SLC14A2: variants seen among roughly 807,000 people sequenced by gnomAD.
SLC14A2 encodes the protein solute carrier family 14 member 2.
Under a neutral mutation model 104.6 loss-of-function variants are expected in SLC14A2, and 91 were observed. The observed-to-expected ratio is 0.87, with a 90% CI of 0.73 to 1.04. SLC14A2 has a LOEUF of 1.04. Ranked by LOEUF, SLC14A2 falls within the 50% of genes least tolerant of loss-of-function variation. The pLI is 0.00. For synonymous variants in SLC14A2, 476 were observed against 466.4 expected, an observed-to-expected ratio of 1.02 and a Z score of -0.27; for missense variants, 1,189 against 1,156.0, an observed-to-expected ratio of 1.03 and a Z score of -0.41.
At chr18:45,174,718 A>G in the SLC14A2 span, among the ~76,000 whole-genome samples, 1 of 152,168 alleles carries the variant, frequency 6.6e-6, no homozygotes, top group African/African-American at 2.4e-5. Context: ...AGGATGGTGC[A>G]TTAAAAATTG....
chr18:45,334,723 G>T (rs1432985505), intron 1 of SLC14A2, among the ~76,000 whole-genome samples: 1 of 152,200 alleles, frequency 6.6e-6, no homozygotes, highest in African/African-American at 2.4e-5. Context: ...TTGTCCTGAG[G>T]AGTAAATGAG....
At chr18:45,343,765 G>A (rs2085420619) in intron 1 of SLC14A2, among the ~76,000 whole-genome samples, 1 of 152,140 alleles carries the variant, frequency 6.6e-6, no homozygotes, top group East Asian at 1.9e-4. Flanking sequence ...ATTCCTTTGA[G>A]TAATCAAAGG....
intron 2 of SLC14A2, among the ~76,000 whole-genome samples, chr18:45,572,664 C>G (rs2044364474): frequency 6.6e-6 from 1 of 152,144 alleles, no homozygotes; most frequent in African/African-American, 2.4e-5. Flanking sequence ...TCAGTGTGAC[C>G]ACTCCAGCTC....
At chr18:45,508,319 G>A (rs1293325044) in intron 2 of SLC14A2, among the ~76,000 whole-genome samples, 3 of 152,162 alleles carry the variant, frequency 2.0e-5, no homozygotes, top group Non-Finnish European at 4.4e-5. Context: ...CATGTGTTGT[G>A]GGACGGAACC....
chr18:45,519,292 G>A (rs917646170), intron 2 of SLC14A2, among the ~76,000 whole-genome samples: 5 of 152,178 alleles, frequency 3.3e-5, no homozygotes, highest in Non-Finnish European at 1.5e-5. Flanking sequence ...AAGGTGGGGT[G>A]TGGAAGGAAA....
At chr18:45,285,661 GC>G (rs10536916) in intron 1 of SLC14A2, among the ~76,000 whole-genome samples, 43,210 of 122,626 alleles carry the variant, frequency 0.35, 8,285 homozygotes, top group East Asian at 0.58. Context: ...CAGGTGATCT[GC>G]CCCCCCCCCC....
In SLC14A2 at chr18:45,296,555, G is replaced by T. The variant is rs529678155; in HGVS notation, c.-125+83364G>T. On this transcript the variant is annotated intron_variant, in intron 1 of 20. Coordinates refer to the SLC14A2 transcript ENST00000586448. ...TCTCCTGGTCCTTTCCATCTTCCCG[G>T]TGACCACCTCAAACTACATGCTGGA... Among the ~76,000 whole-genome samples, 11 of 152,254 alleles carry T rather than the reference G, an allele frequency of 7.2e-5. No individual in the cohort carries two copies. In the East Asian group the frequency reaches 2.1e-3, roughly 29 times the overall value.
At chr18:45,265,784 C>T (rs985483043) in intron 1 of SLC14A2, among the ~76,000 whole-genome samples, 3 of 152,144 alleles carry the variant, frequency 2.0e-5, no homozygotes, top group African/African-American at 4.8e-5. Flanking sequence ...AATTTATAAG[C>T]AGAGAGTGAG....
chr18:45,253,109 A>G (rs2084440225), intron 1 of SLC14A2, among the ~76,000 whole-genome samples: 1 of 152,144 alleles, frequency 6.6e-6, no homozygotes. Flanking sequence ...CACCCAGAGG[A>G]TATGTTAAAA....
chr18:45,323,601 GT>G (rs1197797584), intron 1 of SLC14A2, among the ~76,000 whole-genome samples: 2 of 152,088 alleles, frequency 1.3e-5, no homozygotes, highest in East Asian at 3.9e-4. Flanking sequence ...TAAAATTGCC[GT>G]TTTTGTAGTT....
At chr18:45,250,787 C>G (rs1023577144) in intron 1 of SLC14A2, among the ~76,000 whole-genome samples, 54 of 98,490 alleles carry the variant, frequency 5.5e-4, no homozygotes, top group African/African-American at 2.3e-3. Context: ...GGCTTTGAGA[C>G]ATCTTCGGGT....
chr18:45,311,081 G>T (rs193226739), intron 1 of SLC14A2, among the ~76,000 whole-genome samples: 4 of 152,268 alleles, frequency 2.6e-5, no homozygotes, highest in Non-Finnish European at 5.9e-5. Context: ...CTTCGGGCTT[G>T]GTATCCAGTC....
intron 1 of SLC14A2, among the ~76,000 whole-genome samples, chr18:45,473,320 G>C (rs1050684441): frequency 1.3e-5 from 2 of 152,056 alleles, no homozygotes; most frequent in Non-Finnish European, 2.9e-5. Flanking sequence ...TCATGCCTCC[G>C]GCTTTGTTCT....
chr18:45,592,361 G>T (rs2044660804), intron 2 of SLC14A2, among the ~76,000 whole-genome samples: 1 of 152,068 alleles, frequency 6.6e-6, no homozygotes, highest in African/African-American at 2.4e-5. Flanking sequence ...GTATTCTGAT[G>T]TCATTGTTGC....
intron 1 of SLC14A2, among the ~76,000 whole-genome samples, chr18:45,267,881 T>G (rs916423799): frequency 6.6e-6 from 1 of 152,192 alleles, no homozygotes; most frequent in Admixed American, 6.5e-5. Flanking sequence ...TATAAAGAGA[T>G]AAATTGTAGA....
At chr18:45,530,592 T>C (rs1451126440) in intron 2 of SLC14A2, among the ~76,000 whole-genome samples, 1 of 152,162 alleles carries the variant, frequency 6.6e-6, no homozygotes, top group Admixed American at 6.6e-5. Context: ...CTAAATATGT[T>C]AGAAATGTGT....
intron 8 of SLC14A2, among the ~76,000 whole-genome samples, chr18:45,642,895 T>C (rs1352691819): frequency 6.6e-6 from 1 of 152,244 alleles, no homozygotes; most frequent in African/African-American, 2.4e-5. Context: ...AAAGGAAATA[T>C]ATGTTTTAAT....
intron 1 of SLC14A2, among the ~76,000 whole-genome samples, chr18:45,309,121 A>T (rs1363751974): frequency 6.6e-6 from 1 of 152,152 alleles, no homozygotes; most frequent in East Asian, 1.9e-4. Context: ...GCCTTTCTCT[A>T]TGCCAAGGTT....
chr18:45,621,089 C>T (rs1436928442), intron 1 of SLC14A2, among the ~76,000 whole-genome samples: 3 of 152,186 alleles, frequency 2.0e-5, no homozygotes, highest in Non-Finnish European at 4.4e-5. Context: ...CCCCTGCTTA[C>T]TTTTCATATG....
Sources: gnomAD v4.1 joint callset for allele counts (sites outside exome capture counted in the v4.1 genomes callset) on GRCh38, gnomAD v4.1.1 for gene constraint, MANE v1.5 for transcripts, NCBI Gene and HGNC (gene_info 2026-07-23, HGNC 2026-07-21) for gene names.